AMOTL1: variants seen among roughly 807,000 people sequenced by gnomAD.
AMOTL1 encodes the protein angiomotin like 1, also known as angiomotin-like protein 1.
Under a neutral mutation model 102.9 loss-of-function variants are expected in AMOTL1, and 45 were observed. The observed-to-expected ratio is 0.44, with a 90% CI of 0.34 to 0.56. AMOTL1 has a LOEUF of 0.56. Ranked by LOEUF, AMOTL1 falls within the 20% of genes least tolerant of loss-of-function variation. The pLI is 0.01. For missense variants in AMOTL1, 1,114 were observed against 1,225.6 expected (o/e 0.91, Z 1.36); for synonymous variants, 481 against 484.7 (o/e 0.99, Z 0.10).
At chr11:94,813,705 A>G (rs1182838209) in intron 3 of AMOTL1, among the ~76,000 whole-genome samples, 2 of 152,110 alleles carry the variant, frequency 1.3e-5, no homozygotes, top group Non-Finnish European at 2.9e-5. Context: ...AGGAAGTCCA[A>G]CTCCACCACA....
intron 9 of AMOTL1, among the ~76,000 whole-genome samples, chr11:94,863,181 G>A (rs1952806826): frequency 6.6e-6 from 1 of 151,052 alleles, no homozygotes; most frequent in African/African-American, 2.4e-5. Context: ...GAGACCATGT[G>A]TACCGTGCCC....
chr11:94,870,598 T>C (rs1432589126), intron 12 of AMOTL1, 91 bp from the exon 13 acceptor site: 2 of 863,512 alleles, frequency 2.3e-6, no homozygotes, highest in Non-Finnish European at 3.5e-6. Flanking sequence ...GGGTGTGCAG[T>C]GGTATCGGAC....
upstream of AMOTL1, among the ~76,000 whole-genome samples, chr11:94,763,420 T>C (rs1246273024): frequency 3.3e-5 from 5 of 152,102 alleles, no homozygotes; most frequent in African/African-American, 9.7e-5. Context: ...AAAAGCTTAT[T>C]TGAGAATATT....
At chr11:94,737,660 G>A (rs569747581) in intron 2 of AMOTL1, among the ~76,000 whole-genome samples, 26 of 152,342 alleles carry the variant, frequency 1.7e-4, no homozygotes, top group Non-Finnish European at 4.4e-5. Flanking sequence ...AGACACAAAT[G>A]TTATTTGCTT....
chr11:94,734,705 G>C (rs1180451703), intron 2 of AMOTL1, among the ~76,000 whole-genome samples: 1 of 152,142 alleles, frequency 6.6e-6, no homozygotes, highest in Non-Finnish European at 1.5e-5. Context: ...GCTCTGCTCT[G>C]CTGTTAACTA....
At chr11:94,737,781 G>A (rs1274244098) in intron 2 of AMOTL1, among the ~76,000 whole-genome samples, 1 of 152,228 alleles carries the variant, frequency 6.6e-6, no homozygotes, top group African/African-American at 2.4e-5. Flanking sequence ...ACTGATAATT[G>A]GAATTGGCAA....
intron 1 of AMOTL1, among the ~76,000 whole-genome samples, chr11:94,724,454 G>A (rs1031739105): frequency 1.3e-5 from 2 of 152,252 alleles, no homozygotes; most frequent in East Asian, 1.9e-4. Flanking sequence ...ATCACTGGTA[G>A]TATTTAAGTA....
chr11:94,875,308 G>C lies in AMOTL1; in HGVS notation c.*4513G>C. On this transcript the variant is annotated 3_prime_UTR_variant, in exon 13 of 13. Transcript: ENST00000433060. ...AGTGAATTTCTCCTGGAACAAATGA[G>C]CAATTTTTCCTCTTTCTCTTAAGTA... The C allele has an allele frequency of 6.6e-6, 1 of 152,224 alleles. No individual in the cohort carries two copies. The highest frequency in any genetic ancestry group is 2.4e-5 in the African/African-American group (1 of 41,540). The allele number at this position is 152,224 out of a possible 1,614,324, so 9.4% of individuals were successfully genotyped here.
chr11:94,861,465 G>A (rs1385684137), intron 9 of AMOTL1, among the ~76,000 whole-genome samples: 2 of 152,148 alleles, frequency 1.3e-5, no homozygotes, highest in Admixed American at 1.3e-4. Context: ...TGCTGTCCAC[G>A]GTTGCCCTGG....
chr11:94,720,533 C>T (rs879627103), intron 1 of AMOTL1, among the ~76,000 whole-genome samples: 2 of 152,250 alleles, frequency 1.3e-5, no homozygotes, highest in South Asian at 2.1e-4. Flanking sequence ...TGAGAAGGAG[C>T]TATTCCAAGC....
At chr11:94,797,757 A>T (rs968090339) in intron 2 of AMOTL1, among the ~76,000 whole-genome samples, 5 of 152,210 alleles carry the variant, frequency 3.3e-5, no homozygotes, top group African/African-American at 1.2e-4. Flanking sequence ...TGTCTTGGAA[A>T]CTATATGTAC....
chr11:94,794,367 A>G (rs1951330436), intron 1 of AMOTL1, among the ~76,000 whole-genome samples: 1 of 152,184 alleles, frequency 6.6e-6, no homozygotes, highest in Admixed American at 6.5e-5. Flanking sequence ...AGGACTGAAC[A>G]CAGTGTCACA....
At chr11:94,718,729 C>T (rs1249116073) in intron 1 of AMOTL1, among the ~76,000 whole-genome samples, 1 of 143,444 alleles carries the variant, frequency 7.0e-6, no homozygotes, top group Non-Finnish European at 1.6e-5. Context: ...AGTTGATAGC[C>T]TTGTCTGGCT....
chr11:94,792,213 C>T (rs191744394), intron 1 of AMOTL1, among the ~76,000 whole-genome samples: 3 of 152,122 alleles, frequency 2.0e-5, no homozygotes, highest in Non-Finnish European at 4.4e-5. Context: ...AGCAAACTAT[C>T]GCAAGGACAG....
Position 94,821,835 on chromosome 11 carries a change from C to T in AMOTL1, c.1413+14C>T. Reference sequence around the variant, plus strand: ...AAGCTCCACAAGGTGCGTGACTTCCCTGGGGAATGGGAGGGAGACAAATTC... The same window carrying T: ...AAGCTCCACAAGGTGCGTGACTTCCTTGGGGAATGGGAGGGAGACAAATTC... On this transcript the variant is annotated intron_variant, in intron 4 of 12. Transcript: ENST00000433060. 2 of 1,610,104 alleles carry T rather than the reference C, an allele frequency of 1.2e-6. No individual in the cohort carries two copies. The highest frequency in any genetic ancestry group is 1.7e-6 in the Non-Finnish European group (2 of 1,177,172).
chr11:94,789,955 C>T (rs765205822), intron 1 of AMOTL1, among the ~76,000 whole-genome samples: 1 of 152,180 alleles, frequency 6.6e-6, no homozygotes, highest in South Asian at 2.1e-4. Context: ...GGTGACATAA[C>T]ACCTGGGAGT....
chr11:94,865,048 A>G (rs1264705223), intron 10 of AMOTL1, among the ~76,000 whole-genome samples, 188 bp downstream of exon 10: 1 of 152,158 alleles, frequency 6.6e-6, no homozygotes, highest in Admixed American at 6.5e-5. Context: ...CCACTCAGCA[A>G]TGGATCTGGT....
At chr11:94,822,741 G>A (rs776976676) in intron 4 of AMOTL1, among the ~76,000 whole-genome samples, 1 of 152,164 alleles carries the variant, frequency 6.6e-6, no homozygotes, top group Non-Finnish European at 1.5e-5. Context: ...ATAGGGGAAC[G>A]TCCAGCAAGA....
At chr11:94,731,589 T>G (rs991738433) in intron 2 of AMOTL1, among the ~76,000 whole-genome samples, 1 of 152,160 alleles carries the variant, frequency 6.6e-6, no homozygotes, top group African/African-American at 2.4e-5. Flanking sequence ...TTTTAACCAT[T>G]TATTAGATAT....
Sources: allele counts gnomAD v4.1 joint callset (sites outside exome capture counted in the v4.1 genomes callset), GRCh38; gene constraint gnomAD v4.1.1; transcripts MANE v1.5; gene names NCBI Gene and HGNC (gene_info 2026-07-23, HGNC 2026-07-21).